The following EPHA5 variants were observed in gnomAD, a reference collection of about 807,000 sequenced individuals.
EPHA5 encodes ephrin type-A receptor 5.
A neutral mutation model predicts 105.0 loss-of-function variants in EPHA5; 60 were observed. That is an observed-to-expected ratio of 0.57 (90% CI 0.46 to 0.71). EPHA5 has a LOEUF of 0.71. EPHA5 is among the 30% of genes least tolerant of loss of function. EPHA5 has a pLI of 0.00. For missense variants in EPHA5, 1,218 were observed against 1,274.7 expected, an observed-to-expected ratio of 0.96 and a Z score of 0.68; for synonymous variants, 513 against 449.1, an observed-to-expected ratio of 1.14 and a Z score of -1.80.
intron 15 of EPHA5, among the ~76,000 whole-genome samples, chr4:65,332,706 T>C (rs1323895123): frequency 2.0e-5 from 3 of 151,758 alleles, no homozygotes; most frequent in African/African-American, 7.2e-5. Context: ...GTAAACATAA[T>C]ATTTCTCTAA....
chr4:65,334,289 A>T (rs1168390634), intron 15 of EPHA5, among the ~76,000 whole-genome samples: 2 of 152,040 alleles, frequency 1.3e-5, no homozygotes, highest in Admixed American at 1.3e-4. Context: ...TGAATAAATG[A>T]ATATGTTATA....
intron 3 of EPHA5, among the ~76,000 whole-genome samples, chr4:65,563,725 T>C (rs1739255046): frequency 6.6e-6 from 1 of 151,920 alleles, no homozygotes; most frequent in South Asian, 2.1e-4. Context: ...TATTTGGAAA[T>C]TAGCACATGA....
intron 4 of EPHA5, among the ~76,000 whole-genome samples, chr4:65,493,065 G>C (rs189964082): frequency 6.6e-6 from 1 of 151,118 alleles, no homozygotes; most frequent in East Asian, 1.9e-4. Flanking sequence ...GAATGCATCA[G>C]CAGCTGAATC....
intron 5 of EPHA5, among the ~76,000 whole-genome samples, chr4:65,442,202 C>T (rs1726084517): frequency 6.6e-6 from 1 of 152,010 alleles, no homozygotes; most frequent in Non-Finnish European, 1.5e-5. Context: ...AAAACGGGGC[C>T]TATGGGAGGT....
intron 5 of EPHA5, among the ~76,000 whole-genome samples, chr4:65,445,306 A>G (rs905757672): frequency 1.3e-5 from 2 of 152,170 alleles, no homozygotes; most frequent in African/African-American, 4.8e-5. Flanking sequence ...GTATGTGACT[A>G]TGAAGTTTAT....
intron 4 of EPHA5, among the ~76,000 whole-genome samples, chr4:65,495,162 T>A (rs538916961): frequency 1.3e-5 from 2 of 152,280 alleles, no homozygotes; most frequent in East Asian, 1.9e-4. Context: ...GCTGTTGAAT[T>A]TGAAGTTAGG....
At chr4:65,501,219 G>A (rs545274847) in intron 3 of EPHA5, among the ~76,000 whole-genome samples, 38 of 151,342 alleles carry the variant, frequency 2.5e-4, no homozygotes, top group African/African-American at 9.2e-4. Context: ...AACATTAACA[G>A]CATTTTATCT....
At chr4:65,483,506 A>G (rs1033509098) in intron 5 of EPHA5, among the ~76,000 whole-genome samples, 1 of 151,920 alleles carries the variant, frequency 6.6e-6, no homozygotes, top group Non-Finnish European at 1.5e-5. Context: ...ATTTCTCCAC[A>G]CCCTCTCCAG....
At chr4:65,631,337 A>C (rs1035935037) in intron 2 of EPHA5, among the ~76,000 whole-genome samples, 2 of 152,198 alleles carry the variant, frequency 1.3e-5, no homozygotes, top group African/African-American at 4.8e-5. Flanking sequence ...AAAGTGCCAG[A>C]GTGACTTTTG....
chr4:65,521,554 T>G (rs1235157356), intron 3 of EPHA5, among the ~76,000 whole-genome samples: 1 of 151,976 alleles, frequency 6.6e-6, no homozygotes, highest in Non-Finnish European at 1.5e-5. Context: ...ATCTGTTATG[T>G]AAAAGTTTTT....
intron 5 of EPHA5, among the ~76,000 whole-genome samples, chr4:65,485,909 G>T (rs930364855): frequency 6.6e-6 from 1 of 151,884 alleles, no homozygotes; most frequent in Non-Finnish European, 1.5e-5. Flanking sequence ...TTGCAGGGAG[G>T]GACTCTCACT....
At chr4:65,558,170 C>T (rs1046611329) in intron 3 of EPHA5, among the ~76,000 whole-genome samples, 2 of 152,108 alleles carry the variant, frequency 1.3e-5, no homozygotes, top group African/African-American at 2.4e-5. Flanking sequence ...AGGCACCACA[C>T]CTGGCCCAAA....
chr4:65,339,993 C>T (rs1721556474), intron 14 of EPHA5, among the ~76,000 whole-genome samples: 1 of 152,142 alleles, frequency 6.6e-6, no homozygotes, highest in Admixed American at 6.5e-5. Flanking sequence ...ATTTCAAGAA[C>T]TTTTGTACTT....
chr4:65,640,424 T>C lies in EPHA5; in HGVS notation c.246+2939A>G, dbSNP rs531899163. 4.3e-4 allele frequency among the ~76,000 whole-genome samples: 65 copies of C among 151,412 alleles called. No individual in the cohort carries two copies. The East Asian group carries it at 0.012, about 29-fold the overall frequency. On this transcript the variant is annotated intron_variant, in intron 2 of 16. Coordinates refer to ENST00000613740, the MANE Select transcript of EPHA5 (RefSeq NM_001281766.3). ...CCTCAGCCTCCCGAGTAGCTGGGAC[T>C]ACAGGCGCCCACCACCACGCCCAGC... is the stretch of plus-strand genomic sequence containing the variant.
At chr4:65,529,341 T>C (rs1025865236) in intron 3 of EPHA5, among the ~76,000 whole-genome samples, 4 of 152,250 alleles carry the variant, frequency 2.6e-5, no homozygotes, top group African/African-American at 4.8e-5. Flanking sequence ...CTACTAACCT[T>C]AATATAAATA....
intron 5 of EPHA5, among the ~76,000 whole-genome samples, chr4:65,421,906 G>T (rs773742675): frequency 2.0e-4 from 31 of 151,986 alleles, no homozygotes; most frequent in Non-Finnish European, 3.7e-4. Flanking sequence ...TGTCTCATAG[G>T]TGCACATACT....
intron 5 of EPHA5, among the ~76,000 whole-genome samples, chr4:65,489,081 T>C (rs1484014308): frequency 6.6e-6 from 1 of 151,916 alleles, no homozygotes; most frequent in Admixed American, 6.6e-5. Context: ...TTATTTTTAG[T>C]AGAGACGGGG....
At chr4:65,522,180 G>C (rs954743136) in intron 3 of EPHA5, among the ~76,000 whole-genome samples, 2 of 151,786 alleles carry the variant, frequency 1.3e-5, no homozygotes, top group African/African-American at 4.8e-5. Flanking sequence ...TTTCAAGGAG[G>C]CTTTGGGTCT....
chr4:65,557,733 A>G (rs542096366), intron 3 of EPHA5, among the ~76,000 whole-genome samples: 15 of 152,232 alleles, frequency 9.9e-5, no homozygotes, highest in African/African-American at 3.4e-4. Flanking sequence ...TCTGGCAACC[A>G]TCTGAGGCTT....
Sources: gnomAD v4.1 joint callset for allele counts (sites outside exome capture counted in the v4.1 genomes callset) on GRCh38, gnomAD v4.1.1 for gene constraint, MANE v1.5 for transcripts, NCBI Gene and HGNC (gene_info 2026-07-23, HGNC 2026-07-21) for gene names.